The following DOCK7 variants were observed in gnomAD, a reference collection of about 807,000 sequenced individuals.
DOCK7 encodes dedicator of cytokinesis 7, also known as dedicator of cytokinesis protein 7.
Under a neutral mutation model 271.0 loss-of-function variants are expected in DOCK7, and 138 were observed. That is an observed-to-expected ratio of 0.51 (90% CI 0.44 to 0.59). The LOEUF is 0.59. DOCK7 is among the 20% of genes least tolerant of loss of function. DOCK7 has a pLI of 0.00. For missense variants in DOCK7, 2,066 were observed against 2,592.4 expected, an observed-to-expected ratio of 0.80 and a Z score of 4.41; for synonymous variants, 823 against 876.1, an observed-to-expected ratio of 0.94 and a Z score of 1.07.
intron 7 of DOCK7, among the ~76,000 whole-genome samples, chr1:62,646,547 C>T (rs796330841): frequency 5.9e-5 from 9 of 152,144 alleles, no homozygotes; most frequent in African/African-American, 2.2e-4. Context: ...GAAGAGATAC[C>T]AGAGACCTCT....
At chr1:62,567,629 T>A (rs181416496) in intron 18 of DOCK7, among the ~76,000 whole-genome samples, 17 of 152,060 alleles carry the variant, frequency 1.1e-4, no homozygotes, top group African/African-American at 3.6e-4. Flanking sequence ...TAAACCTCCA[T>A]GGCACATGTA....
At chr1:62,489,718 G>A (rs528227481) in intron 41 of DOCK7, among the ~76,000 whole-genome samples, 16 of 152,244 alleles carry the variant, frequency 1.1e-4, no homozygotes, top group African/African-American at 3.9e-4. Context: ...AGGTTAATGT[G>A]TGTATGTGTA....
intron 11 of DOCK7, among the ~76,000 whole-genome samples, chr1:62,627,102 T>C (rs182186385): frequency 1.7e-4 from 26 of 152,232 alleles, no homozygotes; most frequent in Non-Finnish European, 3.4e-4. Context: ...AACCACATCA[T>C]TCGATGCAAC....
intron 31 of DOCK7, among the ~76,000 whole-genome samples, chr1:62,526,142 T>C (rs984733889): frequency 1.3e-5 from 2 of 152,112 alleles, no homozygotes; most frequent in Non-Finnish European, 2.9e-5. Context: ...AGTTTTGTCA[T>C]GTCCCCCAGG....
rs1571894677 is a variant in DOCK7, at chr1:62,648,043, AATC to A, written c.732+60_732+62del. On this transcript the variant is annotated intron_variant, in intron 6 of 49. Transcript: ENST00000635253. ...TCTACATTTTGTAATACTATATATC[AATC>A]ATAATCCCAAAAGATCAATTTTAAT... The A allele has an allele frequency of 1.1e-5, 16 of 1,469,674 alleles. No homozygotes were observed. In the East Asian group the frequency reaches 3.4e-4, roughly 31 times the overall value. The allele number at this position is 1,469,674 out of a possible 1,614,324, so 91.0% of individuals were successfully genotyped here.
rs866293820 is a variant in DOCK7, at chr1:62,483,206, T to G, written c.5508+4192A>C. Reference sequence around the variant, plus strand: ...TTTTTTTTTTTTTTTTTTTTTTTTTTTTTTTGGGTAGAGATGAGATCTCAG... The same window carrying G: ...TTTTTTTTTTTTTTTTTTTTTTTTTGTTTTTGGGTAGAGATGAGATCTCAG... On this transcript the variant is annotated intron_variant, in intron 43 of 49. Coordinates refer to ENST00000635253, the MANE Select transcript of DOCK7 (RefSeq NM_001367561.1). 4.1e-5 allele frequency: 5 copies of G among 123,180 alleles called. 1 individual carries two copies. Among genetic ancestry groups the G allele is most frequent in the Admixed American group, 2.7e-4 (3 of 11,228 alleles). 7.6% of individuals were successfully genotyped at this position (123,180 alleles called of 1,614,324 possible).
At chr1:62,480,344 A>G (rs1043976538) in intron 43 of DOCK7, among the ~76,000 whole-genome samples, 1 of 152,236 alleles carries the variant, frequency 6.6e-6, no homozygotes, top group African/African-American at 2.4e-5. Flanking sequence ...ATTCGGTTCA[A>G]GGAAAAATAA....
At chr1:62,466,846 G>A (rs766492193) in intron 48 of DOCK7, among the ~76,000 whole-genome samples, 2 of 151,976 alleles carry the variant, frequency 1.3e-5, no homozygotes, top group South Asian at 2.1e-4. Context: ...ACTTGAACCC[G>A]GGAGGCGATT....
At position 62,513,443 on chromosome 1, in the gene DOCK7, C is replaced by A. The variant is rs1175718176; in HGVS notation, c.4282+1G>T. 1 of 1,586,408 alleles carries A rather than the reference C, an allele frequency of 6.3e-7. No homozygotes were observed. On this transcript the variant is annotated splice_donor_variant, in intron 33 of 49. Transcript: ENST00000635253. LOFTEE classifies it high-confidence loss of function. Reference sequence around the variant, plus strand: ...CTCAAGGAAATTGAAGAAATTCTCACCAGGAGGAGAAGCTATTGTGTACGT... The same window carrying A: ...CTCAAGGAAATTGAAGAAATTCTCAACAGGAGGAGAAGCTATTGTGTACGT...
chr1:62,566,409 T>C (rs1646517466), intron 18 of DOCK7, among the ~76,000 whole-genome samples: 1 of 152,174 alleles, frequency 6.6e-6, no homozygotes, highest in African/African-American at 2.4e-5. Flanking sequence ...TACAACCATA[T>C]GATCTTTGAC....
At chr1:62,585,282 A>G (rs1203169636) in intron 15 of DOCK7, among the ~76,000 whole-genome samples, 3 of 152,176 alleles carry the variant, frequency 2.0e-5, no homozygotes, top group African/African-American at 7.2e-5. Flanking sequence ...GGGTAGATGA[A>G]AATGTATCTT....
intron 14 of DOCK7, among the ~76,000 whole-genome samples, chr1:62,617,621 A>T (rs143922755): frequency 2.6e-5 from 4 of 152,152 alleles, no homozygotes; most frequent in African/African-American, 9.6e-5. Context: ...AAGAGAACAG[A>T]AGTAAAATAT....
chr1:62,528,388 G>T lies in DOCK7; in HGVS notation c.3782-83C>A, dbSNP rs180986916. 257 of 1,299,056 alleles carry T rather than the reference G, an allele frequency of 2.0e-4. 2 individuals are homozygous for T. In the East Asian group the frequency reaches 5.6e-3, roughly 28 times the overall value. The allele number at this position is 1,299,056 out of a possible 1,614,324, so 80.5% of individuals were successfully genotyped here. A position where few individuals can be genotyped will look rare whatever the true frequency, so the allele number is the denominator to read the frequency against. On this transcript the variant is annotated intron_variant, in intron 30 of 49. Transcript: ENST00000635253. ...TCCTATTCTCCACTATTCTTTAAAA[G>T]AATAACTTGTTGACATGTTATAGTT...
chr1:62,556,025 A>C, intron 20 of DOCK7, 36 bp from the exon 21 acceptor site: 3 of 1,602,058 alleles, frequency 1.9e-6, no homozygotes, highest in Non-Finnish European at 2.6e-6. Flanking sequence ...CTTTGCTTTA[A>C]CTTTTTTTAG....
chr1:62,659,366 A>ATGG (rs1658402178), intron 2 of DOCK7, among the ~76,000 whole-genome samples: 1 of 152,200 alleles, frequency 6.6e-6, no homozygotes, highest in African/African-American at 2.4e-5. Context: ...GATATAACAC[A>ATGG]ATACCTTGTG....
Position 62,455,363 on chromosome 1 carries a change from C to T in DOCK7, c.*51G>A, listed in dbSNP as rs541826520. 52 of 1,580,910 alleles carry T rather than the reference C, an allele frequency of 3.3e-5. No individual in the cohort carries two copies. In the East Asian group the frequency reaches 4.3e-4, roughly 13 times the overall value. ...GTTTTCCAATAGATCTTTTCACACTCGATGTTGAATACATGGCTCTTTGCA... is the reference window on the plus strand; with the variant it reads ...GTTTTCCAATAGATCTTTTCACACTTGATGTTGAATACATGGCTCTTTGCA... On this transcript the variant is annotated 3_prime_UTR_variant, in exon 50 of 50. Transcript: ENST00000635253.
chr1:62,529,123 G>C (rs1407151125), intron 30 of DOCK7, among the ~76,000 whole-genome samples, 154 bp downstream of exon 30: 1 of 152,036 alleles, frequency 6.6e-6, no homozygotes, highest in East Asian at 1.9e-4. Context: ...CACGGTCAAA[G>C]GTTTTCTGGC....
chr1:62,687,941 G>C (rs1190028900), intron 1 of DOCK7, among the ~76,000 whole-genome samples: 1 of 152,206 alleles, frequency 6.6e-6, no homozygotes, highest in Non-Finnish European at 1.5e-5. Context: ...TCCAGGCCCG[G>C]GCCGCCGAGG....
chr1:62,684,055 C>G (rs1246797934), intron 1 of DOCK7, among the ~76,000 whole-genome samples: 1 of 152,052 alleles, frequency 6.6e-6, no homozygotes, highest in Non-Finnish European at 1.5e-5. Flanking sequence ...GTCTGGCCAA[C>G]ATGGTGAAAT....
Sources: gnomAD v4.1 joint callset for allele counts (sites outside exome capture counted in the v4.1 genomes callset) on GRCh38, gnomAD v4.1.1 for gene constraint, MANE v1.5 for transcripts, NCBI Gene and HGNC (gene_info 2026-07-23, HGNC 2026-07-21) for gene names.